Variants in CDH18 observed in about 807,000 individuals in gnomAD.
CDH18 encodes the protein cadherin 18.
Under a neutral mutation model 67.9 loss-of-function variants are expected in CDH18, and 31 were observed. The observed-to-expected ratio is 0.46, with a 90% CI of 0.34 to 0.62. The LOEUF (loss-of-function observed/expected upper bound fraction) is 0.62, where lower values mean the gene tolerates loss of function less well. CDH18 is among the 20% of genes least tolerant of loss of function. CDH18 has a pLI of 0.01. For missense variants in CDH18, 890 were observed against 975.5 expected (o/e 0.91, Z 1.17); for synonymous variants, 362 against 347.2 (o/e 1.04, Z -0.48).
At chr5:20,219,643 G>A (rs987190564) in intron 2 of CDH18, among the ~76,000 whole-genome samples, 1 of 151,724 alleles carries the variant, frequency 6.6e-6, no homozygotes, top group African/African-American at 2.4e-5. Flanking sequence ...CTGAGCAAGT[G>A]GAATTTATCC....
chr5:19,894,698 T>C (rs1401872936), intron 2 of CDH18, among the ~76,000 whole-genome samples: 1 of 152,052 alleles, frequency 6.6e-6, no homozygotes, highest in Non-Finnish European at 1.5e-5. Context: ...TACAAATGAG[T>C]TCCCATTTAT....
chr5:19,744,695 C>T (rs1769738612), intron 4 of CDH18, among the ~76,000 whole-genome samples: 1 of 152,142 alleles, frequency 6.6e-6, no homozygotes, highest in Admixed American at 6.6e-5. Flanking sequence ...GCTGATGGAT[C>T]ATATTTGTCT....
At chr5:20,501,482 T>TTTG (rs1754252824) in intron 1 of CDH18, among the ~76,000 whole-genome samples, 1 of 36,498 alleles carries the variant, frequency 2.7e-5, no homozygotes, top group Non-Finnish European at 6.0e-5. Context: ...TATATACATA[T>TTTG]TATATATATT....
chr5:20,492,820 A>G (rs1456613548), intron 1 of CDH18, among the ~76,000 whole-genome samples: 1 of 152,174 alleles, frequency 6.6e-6, no homozygotes, highest in African/African-American at 2.4e-5. Context: ...TTGCAGAGAT[A>G]TTTTGATAAC....
intron 5 of CDH18, among the ~76,000 whole-genome samples, chr5:19,653,676 T>C (rs1243290060): frequency 6.6e-6 from 1 of 152,222 alleles, no homozygotes; most frequent in Non-Finnish European, 1.5e-5. Context: ...CATCTCATTT[T>C]GCTGGTGGTA....
At chr5:20,185,350 T>C (rs986507654) in intron 2 of CDH18, among the ~76,000 whole-genome samples, 1 of 152,032 alleles carries the variant, frequency 6.6e-6, no homozygotes, top group African/African-American at 2.4e-5. Context: ...GCTCCCAGTA[T>C]ATTTACAACA....
chr5:19,643,790 T>G (rs548021327), intron 5 of CDH18, among the ~76,000 whole-genome samples: 2 of 152,242 alleles, frequency 1.3e-5, no homozygotes, highest in East Asian at 3.9e-4. Flanking sequence ...AGCTAAAATG[T>G]TGGATACTCA....
intron 1 of CDH18, among the ~76,000 whole-genome samples, chr5:20,334,219 G>T (rs1484218067): frequency 1.5e-5 from 2 of 136,954 alleles, no homozygotes; most frequent in South Asian, 2.3e-4. Flanking sequence ...TGCAGGCTCC[G>T]CCCCCTGGGG....
chr5:19,593,149 T>A (rs1452088861), intron 6 of CDH18, among the ~76,000 whole-genome samples: 1 of 152,160 alleles, frequency 6.6e-6, no homozygotes, highest in Non-Finnish European at 1.5e-5. Flanking sequence ...TATTTATTTG[T>A]AATCCTGATT....
intron 1 of CDH18, among the ~76,000 whole-genome samples, chr5:20,539,756 AAAC>A (rs879410099): frequency 0.045 from 2,441 of 54,782 alleles, 55 homozygotes; most frequent in African/African-American, 0.092. Flanking sequence ...ACACACACAC[AAAC>A]ACACACACAC....
chr5:20,216,239 CAG>C (rs1414361131), intron 2 of CDH18, among the ~76,000 whole-genome samples: 1 of 151,832 alleles, frequency 6.6e-6, no homozygotes, highest in African/African-American at 2.4e-5. Flanking sequence ...TATAGTGTGA[CAG>C]AGACTCAGTG....
At chr5:19,763,726 G>C (rs1358993638) in intron 3 of CDH18, among the ~76,000 whole-genome samples, 1 of 152,040 alleles carries the variant, frequency 6.6e-6, no homozygotes, top group Non-Finnish European at 1.5e-5. Flanking sequence ...GAGAAGAGAA[G>C]AATTTAGTTT....
chr5:19,605,051 G>A (rs1244990539), intron 6 of CDH18, among the ~76,000 whole-genome samples: 1 of 151,770 alleles, frequency 6.6e-6, no homozygotes, highest in East Asian at 1.9e-4. Context: ...AGAAATATAT[G>A]CTTATTACCA....
chr5:20,398,688 A>G (rs1222615820), intron 1 of CDH18, among the ~76,000 whole-genome samples: 2 of 148,606 alleles, frequency 1.3e-5, no homozygotes, highest in Middle Eastern at 3.6e-3. Flanking sequence ...TACCTATGTA[A>G]AAAACCACCA....
intron 2 of CDH18, among the ~76,000 whole-genome samples, chr5:20,085,176 T>A (rs1387818840): frequency 6.6e-6 from 1 of 152,146 alleles, no homozygotes; most frequent in Admixed American, 6.5e-5. Flanking sequence ...GCTTAGAAAT[T>A]TCTTCTGCCA....
intron 5 of CDH18, among the ~76,000 whole-genome samples, chr5:19,649,330 C>CA (rs1755237959): frequency 6.6e-6 from 1 of 152,008 alleles, no homozygotes; most frequent in Non-Finnish European, 1.5e-5. Flanking sequence ...ACATAAGAAG[C>CA]AAAATATATA....
At chr5:20,417,920 C>A (rs1747456660) in intron 1 of CDH18, among the ~76,000 whole-genome samples, 1 of 152,182 alleles carries the variant, frequency 6.6e-6, no homozygotes, top group Non-Finnish European at 1.5e-5. Context: ...AGGCTCCCTT[C>A]TAACCTAAGC....
At chr5:20,074,675 C>G (rs536402532) in intron 2 of CDH18, among the ~76,000 whole-genome samples, 2 of 151,504 alleles carry the variant, frequency 1.3e-5, no homozygotes, top group Admixed American at 6.6e-5. Context: ...AATGACCTTA[C>G]AATCAGAATC....
At chr5:19,795,642 T>G (rs2149828804) in intron 3 of CDH18, among the ~76,000 whole-genome samples, 1 of 152,218 alleles carries the variant, frequency 6.6e-6, no homozygotes, top group South Asian at 2.1e-4. Context: ...TAAACAAGAC[T>G]CTGAATCTTC....
Sources: gnomAD v4.1 joint callset for allele counts (sites outside exome capture counted in the v4.1 genomes callset) on GRCh38, gnomAD v4.1.1 for gene constraint, MANE v1.5 for transcripts, NCBI Gene and HGNC (gene_info 2026-07-23, HGNC 2026-07-21) for gene names.